PLXNA4: variants seen among roughly 807,000 people sequenced by gnomAD.
PLXNA4 encodes the protein plexin-A4.
A neutral mutation model predicts 191.8 loss-of-function variants in PLXNA4; 44 were observed. The ratio of observed to expected loss-of-function variants is 0.23; its 90% CI spans 0.18 to 0.29. The LOEUF (loss-of-function observed/expected upper bound fraction) is 0.29. Ranked by LOEUF, PLXNA4 falls within the 10% of genes least tolerant of loss-of-function variation. The probability of loss-of-function intolerance (pLI) is 1.00; values close to 1 mark genes in which losing one functional copy is unlikely to be tolerated. For synonymous variants in PLXNA4, 1,082 were observed against 1,009.5 expected, an observed-to-expected ratio of 1.07 and a Z score of -1.36; for missense variants, 1,800 against 2,488.8, an observed-to-expected ratio of 0.72 and a Z score of 5.89.
Position 132,146,664 on chromosome 7 carries a change from A to C in PLXNA4, c.4901T>G (p.Leu1634Arg), listed in dbSNP as rs1452906880. Reference protein sequence around the residue: ...MIRYTGSPDSLRSRTPMITPD... With the variant: ...MIRYTGSPDSRRSRTPMITPD... ...AGTGATCATAGGTGTCCGTGAGCGG[A>C]GGCTGTCGGGGCTGCCCGTGTACCG... The change falls in exon 28 of 32, where the codon CTC (leucine) becomes CGC (arginine). Residue 1634 changes from leucine (L) to arginine (R), a missense_variant. By Grantham distance (102) the Leu-to-Arg change is moderately radical. This residue lies in a region of PLXNA4 where 214 missense variants were observed against 298.2 expected (regional missense o/e 0.72). Transcript: ENST00000321063. 4 of 1,614,158 alleles carry C rather than the reference A, an allele frequency of 2.5e-6. No homozygotes were observed. The highest frequency in any genetic ancestry group is 3.4e-6 in the Non-Finnish European group (4 of 1,180,032).
At chr7:132,281,832 C>G (rs1041100050) in intron 4 of PLXNA4, among the ~76,000 whole-genome samples, 3 of 152,216 alleles carry the variant, frequency 2.0e-5, no homozygotes, top group Non-Finnish European at 4.4e-5. Flanking sequence ...TTTCCATAAG[C>G]AGCAGACCTC....
At chr7:132,167,638 G>T (rs897329947) in intron 22 of PLXNA4, among the ~76,000 whole-genome samples, 2 of 152,206 alleles carry the variant, frequency 1.3e-5, no homozygotes, top group Admixed American at 1.3e-4. Flanking sequence ...GGGCTTAAAG[G>T]ATCCTCCTAT....
intron 1 of PLXNA4, among the ~76,000 whole-genome samples, chr7:132,540,569 C>CTTTTTT (rs71915138): frequency 0.093 from 5,677 of 60,952 alleles, 1,829 homozygotes; most frequent in Non-Finnish European, 0.11. Context: ...GTGGACCGTT[C>CTTTTTT]TTTTTTTTTT....
chr7:132,595,764 G>A (rs778551376), intron 2 of PLXNA4, among the ~76,000 whole-genome samples: 1 of 152,078 alleles, frequency 6.6e-6, no homozygotes, highest in Non-Finnish European at 1.5e-5. Flanking sequence ...TGCTTCAAAT[G>A]TATATAAACT....
intron 7 of PLXNA4, among the ~76,000 whole-genome samples, chr7:132,226,640 T>G (rs74812226): frequency 0.052 from 7,872 of 152,330 alleles, 283 homozygotes; most frequent in Middle Eastern, 0.078. Flanking sequence ...CAAGAAGTTT[T>G]GCATGTATGT....
chr7:132,406,110 G>A (rs1362623728), intron 3 of PLXNA4, among the ~76,000 whole-genome samples: 2 of 152,154 alleles, frequency 1.3e-5, no homozygotes, highest in Admixed American at 1.3e-4. Context: ...CAGAGTCCAA[G>A]TGTCTCCAGG....
rs10259282 is a variant in PLXNA4 at position 132,545,187 on chromosome 7, A to C, written c.-87+31235T>G. ...GTGCTCCTATTGTCTGCCCCAAGAA[A>C]GCTCCTACTAATTCTCTCAAAAGGA... On this transcript the variant is annotated intron_variant, in intron 1 of 31. Transcript: ENST00000321063. Among the ~76,000 whole-genome samples, 837 of 152,244 alleles carry C rather than the reference A, an allele frequency of 5.5e-3. 9 individuals are homozygous for C. The highest frequency in any genetic ancestry group is 0.019 in the African/African-American group (793 of 41,522).
rs574051114 is a variant in PLXNA4 at position 132,257,749 on chromosome 7, T to C, written c.1504-16583A>G. Among the ~76,000 whole-genome samples, 214 of 152,340 alleles carry C rather than the reference T, an allele frequency of 1.4e-3. 1 individual carries two copies. Among genetic ancestry groups the C allele is most frequent in the African/African-American group, 4.3e-3 (180 of 41,586 alleles). Reference sequence around the variant, plus strand: ...TAGTTCTGACACAGATGCTCAGTTGTGGCCCTGTAGATTTGAAGGGAAGGC... The same window carrying C: ...TAGTTCTGACACAGATGCTCAGTTGCGGCCCTGTAGATTTGAAGGGAAGGC... On this transcript the variant is annotated intron_variant, in intron 4 of 31. Coordinates refer to ENST00000321063, the MANE Select transcript of PLXNA4 (RefSeq NM_020911.2).
chr7:132,138,552 G>A (rs561064259), intron 30 of PLXNA4, among the ~76,000 whole-genome samples: 37 of 152,294 alleles, frequency 2.4e-4, no homozygotes, highest in African/African-American at 8.9e-4. Context: ...CCTCAGCCCT[G>A]TCTGTGCTGT....
intron 2 of PLXNA4, among the ~76,000 whole-genome samples, chr7:132,501,776 G>A (rs1047416352): frequency 1.3e-5 from 2 of 152,236 alleles, no homozygotes; most frequent in Non-Finnish European, 2.9e-5. Context: ...CAGGCACCCA[G>A]TGCTAAATAA....
chr7:132,173,613 C>A (rs1295830126), intron 21 of PLXNA4, among the ~76,000 whole-genome samples: 1 of 152,228 alleles, frequency 6.6e-6, no homozygotes, highest in East Asian at 1.9e-4. Context: ...ACGAATGCCC[C>A]TCTGGACTTC....
intron 1 of PLXNA4, among the ~76,000 whole-genome samples, chr7:132,539,116 T>G (rs1333493741): frequency 6.6e-6 from 1 of 152,218 alleles, no homozygotes; most frequent in Admixed American, 6.5e-5. Flanking sequence ...GGACCTATTG[T>G]GCCTACTTAG....
intron 1 of PLXNA4, among the ~76,000 whole-genome samples, chr7:132,563,344 CCTCTTTCTCCTCCTT>C (rs1801441454): frequency 8.7e-6 from 1 of 115,280 alleles, no homozygotes; most frequent in Non-Finnish European, 1.8e-5. Context: ...TCCTTCTCCT[CCTCTTTCTCCTCCTT>C]CTCCTCCTCC....
At chr7:132,558,604 A>G (rs1379707332) in intron 1 of PLXNA4, among the ~76,000 whole-genome samples, 1 of 152,252 alleles carries the variant, frequency 6.6e-6, no homozygotes, top group African/African-American at 2.4e-5. Flanking sequence ...GAAATGAGCT[A>G]CAGCAACTTC....
chr7:132,531,083 G>A (rs1488978551), intron 1 of PLXNA4, among the ~76,000 whole-genome samples: 7 of 152,198 alleles, frequency 4.6e-5, no homozygotes, highest in African/African-American at 1.7e-4. Flanking sequence ...AGAAGAGAAT[G>A]GGGAGTTATT....
rs1554446067 is a variant in PLXNA4, at chr7:132,127,964, C to CTTAT, written c.*2514_*2515insATAA. 1 of 98,216 alleles carries CTTAT rather than the reference C, an allele frequency of 1.0e-5. No homozygotes were observed. Among genetic ancestry groups the CTTAT allele is most frequent in the African/African-American group, 3.8e-5 (1 of 26,566 alleles). 6.1% of individuals were successfully genotyped at this position (98,216 alleles called of 1,614,324 possible). ...AAGTCTTTTTTCTTTTTTTTTTCTG[C>CTTAT]TTGTTTGATTTTTTCTCTTAACTGT... On this transcript the variant is annotated 3_prime_UTR_variant, in exon 32 of 32. Coordinates refer to ENST00000321063, the MANE Select transcript of PLXNA4 (RefSeq NM_020911.2).
intron 13 of PLXNA4, among the ~76,000 whole-genome samples, chr7:132,197,277 G>C (rs1797281524): frequency 6.6e-6 from 1 of 152,092 alleles, no homozygotes; most frequent in Non-Finnish European, 1.5e-5. Flanking sequence ...TTTCCAGGGA[G>C]TTAACCAGCA....
intron 3 of PLXNA4, among the ~76,000 whole-genome samples, chr7:132,328,745 A>G (rs1429304108): frequency 6.6e-6 from 1 of 152,206 alleles, no homozygotes; most frequent in East Asian, 1.9e-4. Flanking sequence ...AGGTGGGATC[A>G]TAAGGACCTA....
At chr7:132,186,326 GAGCAGGTCC>G (rs1272736391) in intron 15 of PLXNA4, among the ~76,000 whole-genome samples, 1 of 152,204 alleles carries the variant, frequency 6.6e-6, no homozygotes, top group Non-Finnish European at 1.5e-5. Flanking sequence ...TATCATCTCT[GAGCAGGTCC>G]AGCTGGCTCT....
Sources: allele counts gnomAD v4.1 joint callset (sites outside exome capture counted in the v4.1 genomes callset), GRCh38; gene constraint gnomAD v4.1.1; regional missense constraint gnomAD v4.1.1; transcripts MANE v1.5; gene names NCBI Gene and HGNC (gene_info 2026-07-23, HGNC 2026-07-21).